SMIM32: variants seen among roughly 807,000 people sequenced by gnomAD.
SMIM32 encodes small integral membrane protein 32.
In SMIM32, 1 loss-of-function variant was observed where a neutral mutation model predicts 1.6. The ratio of observed to expected loss-of-function variants is 0.64; its 90% CI spans 0.23 to 3.02. The LOEUF (loss-of-function observed/expected upper bound fraction) is 3.02, where lower values mean the gene tolerates loss of function less well. Among genes scored for constraint, SMIM32 ranks in the 30% most tolerant of loss-of-function variants. SMIM32 has a pLI of 0.21. For missense variants in SMIM32, 99 were observed against 60.5 expected (o/e 1.64, Z -2.11); for synonymous variants, 53 against 31.3 (o/e 1.69, Z -2.31).
Position 136,192,212 on chromosome 5 carries a change from G to A in SMIM32, c.*1C>T. 1 of 693,278 alleles carries A rather than the reference G, an allele frequency of 1.4e-6. No homozygotes were observed. The highest frequency in any genetic ancestry group is 2.6e-6 in the Non-Finnish European group (1 of 380,860). The allele number at this position is 693,278 out of a possible 1,614,324, so 42.9% of individuals were successfully genotyped here. A position where few individuals can be genotyped will look rare whatever the true frequency, so the allele number is the denominator to read the frequency against. On this transcript the variant is annotated 3_prime_UTR_variant, in exon 1 of 1. Transcript: ENST00000607574. ...CCCGGCGGCCGTGGCTCAGTCCCAAGCTACACCGGCCGCGTCTTCCAGGGC... is the reference window on the plus strand; with the variant it reads ...CCCGGCGGCCGTGGCTCAGTCCCAAACTACACCGGCCGCGTCTTCCAGGGC...
rs1042348625 is a variant in SMIM32 at position 136,192,691 on chromosome 5, G to C, written c.-167C>G. On this transcript the variant is annotated 5_prime_UTR_variant, in exon 1 of 1. Transcript: ENST00000607574. ...ACTGCAAAGACCCCGGGACGCGTCC[G>C]CTCACTCGCCTCCGCGCTCAGCTGC... 51 of 559,818 alleles carry C rather than the reference G, an allele frequency of 9.1e-5. No homozygotes were observed. Among genetic ancestry groups the C allele is most frequent in the Non-Finnish European group, 1.5e-4 (47 of 319,538 alleles). The allele number at this position is 559,818 out of a possible 1,614,324, so 34.7% of individuals were successfully genotyped here. A position where few individuals can be genotyped will look rare whatever the true frequency, so the allele number is the denominator to read the frequency against.
In SMIM32 at chr5:136,192,503, C is replaced by A. The variant is rs1480889288; in HGVS notation, c.22G>T (p.Ala8Ser). 5 of 692,062 alleles carry A rather than the reference C, an allele frequency of 7.2e-6. No individual in the cohort carries two copies. The highest frequency in any genetic ancestry group is 6.1e-5 in the Admixed American group (3 of 49,186). 42.9% of individuals were successfully genotyped at this position (692,062 alleles called of 1,614,324 possible). A position where few individuals can be genotyped will look rare whatever the true frequency, so the allele number is the denominator to read the frequency against. ...ACCGCCGCCTCGGGGCCGCCCGTGG[C>A]GTTGAATATGTCGCCGTACATGGCC... MYGDIFN[A>S]TGGPEAAVGS... Residue 8 changes from alanine to serine, a missense_variant, in exon 1 of 1, where the codon GCC becomes TCC. Ala to Ser is a moderately conservative substitution (Grantham distance 99). Transcript: ENST00000607574.
Position 136,191,878 on chromosome 5 carries a change from G to C in SMIM32, c.*335C>G, listed in dbSNP as rs13172407. The C allele has an allele frequency of 0.17, 46,437 of 276,264 alleles. 4,131 individuals are homozygous for C. The highest frequency in any genetic ancestry group is 0.19 in the Non-Finnish European group (27,873 of 149,224). The allele number at this position is 276,264 out of a possible 1,614,324, so 17.1% of individuals were successfully genotyped here. The stretch of plus-strand genomic sequence containing the variant: ...GGCGGCGAGCAAGCAAGACGGGCTG[G>C]CGCGCCGTCTTTCAGGAAGGTTTCC... On this transcript the variant is annotated 3_prime_UTR_variant, in exon 1 of 1. Transcript: ENST00000607574.
In SMIM32 at chr5:136,192,098, A is replaced by C; in HGVS notation, c.*115T>G. 2 of 599,106 alleles carry C rather than the reference A, an allele frequency of 3.3e-6. No individual in the cohort carries two copies. The highest frequency in any genetic ancestry group is 5.9e-6 in the Non-Finnish European group (2 of 338,338). 37.1% of individuals were successfully genotyped at this position (599,106 alleles called of 1,614,324 possible). ...TCAGGAAGGGTCTTTGGGTCAGGGC[A>C]CCGTGTTCCCAGGGGCCAGCGATCC... On this transcript the variant is annotated 3_prime_UTR_variant, in exon 1 of 1. Coordinates refer to ENST00000607574, the MANE Select transcript of SMIM32 (RefSeq NM_001350994.2).
chr5:136,192,846 A>C lies in SMIM32; in HGVS notation c.-322T>G. 3.0e-6 allele frequency: 1 copy of C among 334,596 alleles called. No individual in the cohort carries two copies. The highest frequency in any genetic ancestry group is 5.4e-6 in the Non-Finnish European group (1 of 185,660). The allele number at this position is 334,596 out of a possible 1,614,324, so 20.7% of individuals were successfully genotyped here. A position where few individuals can be genotyped will look rare whatever the true frequency, so the allele number is the denominator to read the frequency against. On this transcript the variant is annotated 5_prime_UTR_variant, in exon 1 of 1. Coordinates refer to ENST00000607574, the MANE Select transcript of SMIM32 (RefSeq NM_001350994.2). ...AGTCACTGACTCGCCTTTCGGCTTT[A>C]CAACAGCCCGCTCAGCTCGGACCCT...
Position 136,192,034 on chromosome 5 carries a change from C to A in SMIM32, c.*179G>T, listed in dbSNP as rs1011252186. Reference sequence around the variant, plus strand: ...ATCGAGACCCTACACAGGCTCCCGACGCCTCGGTCTCCCTTTCCTCTCGGG... The same window carrying A: ...ATCGAGACCCTACACAGGCTCCCGAAGCCTCGGTCTCCCTTTCCTCTCGGG... On this transcript the variant is annotated 3_prime_UTR_variant, in exon 1 of 1. Transcript: ENST00000607574. 3.5e-6 allele frequency: 2 copies of A among 565,262 alleles called. No individual in the cohort carries two copies. The highest frequency in any genetic ancestry group is 4.0e-5 in the African/African-American group (2 of 50,522). The allele number at this position is 565,262 out of a possible 1,614,324, so 35.0% of individuals were successfully genotyped here. A position where few individuals can be genotyped will look rare whatever the true frequency, so the allele number is the denominator to read the frequency against.
rs1754821219 is a variant in SMIM32, at chr5:136,191,747, G to T, written c.*466C>A. Reference sequence around the variant, plus strand: ...TCAAGGAGCAAGAGAGGCCGTAGCAGCTGTGGGAAACAGCCACAGGGCCTG... The same window carrying T: ...TCAAGGAGCAAGAGAGGCCGTAGCATCTGTGGGAAACAGCCACAGGGCCTG... On this transcript the variant is annotated 3_prime_UTR_variant, in exon 1 of 1. Transcript: ENST00000607574. 1 of 156,568 alleles carries T rather than the reference G, an allele frequency of 6.4e-6. No homozygotes were observed. The allele number at this position is 156,568 out of a possible 1,614,324, so 9.7% of individuals were successfully genotyped here.
In SMIM32 at chr5:136,191,774, G is replaced by A. The variant is rs1754821623; in HGVS notation, c.*439C>T. 1.2e-5 allele frequency: 2 copies of A among 160,952 alleles called. No individual in the cohort carries two copies. Among genetic ancestry groups the A allele is most frequent in the Admixed American group, 1.3e-4 (2 of 15,592 alleles). 10.0% of individuals were successfully genotyped at this position (160,952 alleles called of 1,614,324 possible). A position where few individuals can be genotyped will look rare whatever the true frequency, so the allele number is the denominator to read the frequency against. On this transcript the variant is annotated 3_prime_UTR_variant, in exon 1 of 1. Transcript: ENST00000607574. Reference sequence around the variant, plus strand: ...TGTGGGAAACAGCCACAGGGCCTGCGAGTCCAGACGGGTAGCTCCAGGCTA... The same window carrying A: ...TGTGGGAAACAGCCACAGGGCCTGCAAGTCCAGACGGGTAGCTCCAGGCTA...
At position 136,192,631 on chromosome 5, in the gene SMIM32, A is replaced by G. The variant is rs537230738; in HGVS notation, c.-107T>C. 28 of 580,740 alleles carry G rather than the reference A, an allele frequency of 4.8e-5. No homozygotes were observed. The South Asian group carries it at 5.6e-4, about 12-fold the overall frequency. The allele number at this position is 580,740 out of a possible 1,614,324, so 36.0% of individuals were successfully genotyped here. A position where few individuals can be genotyped will look rare whatever the true frequency, so the allele number is the denominator to read the frequency against. On this transcript the variant is annotated 5_prime_UTR_variant, in exon 1 of 1. Coordinates refer to ENST00000607574, the MANE Select transcript of SMIM32 (RefSeq NM_001350994.2). ...CGCCCCTCCCGCCCTGCCGCGCCCA[A>G]CTGACCGAGAGTCGGTGCCTTGGGG...
In SMIM32 at chr5:136,192,778, C is replaced by T; in HGVS notation, c.-254G>A. 6.2e-6 allele frequency: 3 copies of T among 483,186 alleles called. No homozygotes were observed. The highest frequency in any genetic ancestry group is 1.1e-5 in the Non-Finnish European group (3 of 277,030). The allele number at this position is 483,186 out of a possible 1,614,324, so 29.9% of individuals were successfully genotyped here. On this transcript the variant is annotated 5_prime_UTR_variant, in exon 1 of 1. Coordinates refer to ENST00000607574, the MANE Select transcript of SMIM32 (RefSeq NM_001350994.2). The stretch of plus-strand genomic sequence containing the variant: ...TGGACAGTTCTGTGCCCGCGCCCCT[C>T]GGGCTCACTGTTTCTCTCCGTCGCC...
At position 136,191,971 on chromosome 5, in the gene SMIM32, G is replaced by A. The variant is rs910400164; in HGVS notation, c.*242C>T. 6 of 451,336 alleles carry A rather than the reference G, an allele frequency of 1.3e-5. No homozygotes were observed. Among genetic ancestry groups the A allele is most frequent in the African/African-American group, 8.2e-5 (4 of 48,616 alleles). The allele number at this position is 451,336 out of a possible 1,614,324, so 28.0% of individuals were successfully genotyped here. ...CTCTGTCCAGAGGAAGAAAGATTTG[G>A]CCAGGGGATCAGAATCACGGTACCT... On this transcript the variant is annotated 3_prime_UTR_variant, in exon 1 of 1. Transcript: ENST00000607574.
rs950666956 is a variant in SMIM32 at position 136,192,648 on chromosome 5, G to A, written c.-124C>T. The A allele has an allele frequency of 2.9e-5, 17 of 576,520 alleles. No homozygotes were observed. The highest frequency in any genetic ancestry group is 2.8e-4 in the African/African-American group (14 of 50,526). The allele number at this position is 576,520 out of a possible 1,614,324, so 35.7% of individuals were successfully genotyped here. On this transcript the variant is annotated 5_prime_UTR_variant, in exon 1 of 1. Transcript: ENST00000607574. ...CGCGCCCAACTGACCGAGAGTCGGTGCCTTGGGGCCGGCGGGGACTGCAAA... is the reference window on the plus strand; with the variant it reads ...CGCGCCCAACTGACCGAGAGTCGGTACCTTGGGGCCGGCGGGGACTGCAAA...
In SMIM32 at chr5:136,192,603, G is replaced by C. The variant is rs1461237806; in HGVS notation, c.-79C>G. 3.4e-6 allele frequency: 2 copies of C among 583,882 alleles called. No homozygotes were observed. The highest frequency in any genetic ancestry group is 6.0e-6 in the Non-Finnish European group (2 of 331,108). 36.2% of individuals were successfully genotyped at this position (583,882 alleles called of 1,614,324 possible). On this transcript the variant is annotated 5_prime_UTR_variant, in exon 1 of 1. Coordinates refer to ENST00000607574, the MANE Select transcript of SMIM32 (RefSeq NM_001350994.2). Reference sequence around the variant, plus strand: ...ACTGGCGCGACCCGGCGCCTCCATGGCGCGCCCCTCCCGCCCTGCCGCGCC... The same window carrying C: ...ACTGGCGCGACCCGGCGCCTCCATGCCGCGCCCCTCCCGCCCTGCCGCGCC...
At position 136,192,536 on chromosome 5, in the gene SMIM32, C is replaced by T; in HGVS notation, c.-12G>A. 4.5e-6 allele frequency: 3 copies of T among 668,846 alleles called. No homozygotes were observed. The highest frequency in any genetic ancestry group is 8.2e-6 in the Non-Finnish European group (3 of 367,684). The allele number at this position is 668,846 out of a possible 1,614,324, so 41.4% of individuals were successfully genotyped here. On this transcript the variant is annotated 5_prime_UTR_variant, in exon 1 of 1. Transcript: ENST00000607574. Reference sequence around the variant, plus strand: ...ATGTCGCCGTACATGGCCCGCGGGTCCCGCCGACCCCAGCCGGACCGCTTC... The same window carrying T: ...ATGTCGCCGTACATGGCCCGCGGGTTCCGCCGACCCCAGCCGGACCGCTTC...
Position 136,192,658 on chromosome 5 carries a change from C to G in SMIM32, c.-134G>C. On this transcript the variant is annotated 5_prime_UTR_variant, in exon 1 of 1. Coordinates refer to ENST00000607574, the MANE Select transcript of SMIM32 (RefSeq NM_001350994.2). ...TGACCGAGAGTCGGTGCCTTGGGGC[C>G]GGCGGGGACTGCAAAGACCCCGGGA... 5.2e-6 allele frequency: 3 copies of G among 575,620 alleles called. No individual in the cohort carries two copies. Among genetic ancestry groups the G allele is most frequent in the East Asian group, 6.1e-5 (2 of 32,992 alleles). 35.7% of individuals were successfully genotyped at this position (575,620 alleles called of 1,614,324 possible).
chr5:136,191,546 T>C lies in SMIM32; in HGVS notation c.*667A>G, dbSNP rs952886463. ...ACGCGTAGGTGGGCCCCTGCGCCTT[T>C]CCACCGGCCTCCCACTGCCCGTGCT... is the stretch of plus-strand genomic sequence containing the variant. On this transcript the variant is annotated 3_prime_UTR_variant, in exon 1 of 1. Transcript: ENST00000607574. 1.3e-5 allele frequency: 2 copies of C among 152,166 alleles called. No homozygotes were observed. 9.4% of individuals were successfully genotyped at this position (152,166 alleles called of 1,614,324 possible).
Position 136,192,609 on chromosome 5 carries a change from C to T in SMIM32, c.-85G>A. ...GCGACCCGGCGCCTCCATGGCGCGC[C>T]CCTCCCGCCCTGCCGCGCCCAACTG... On this transcript the variant is annotated 5_prime_UTR_variant, in exon 1 of 1. Transcript: ENST00000607574. The T allele has an allele frequency of 1.7e-6, 1 of 584,388 alleles. No individual in the cohort carries two copies. Among genetic ancestry groups the T allele is most frequent in the South Asian group, 2.1e-5 (1 of 48,700 alleles). The allele number at this position is 584,388 out of a possible 1,614,324, so 36.2% of individuals were successfully genotyped here.
rs564815845 is a variant in SMIM32, at chr5:136,192,616, G to A, written c.-92C>T. ...GGCGCCTCCATGGCGCGCCCCTCCC[G>A]CCCTGCCGCGCCCAACTGACCGAGA... On this transcript the variant is annotated 5_prime_UTR_variant, in exon 1 of 1. Transcript: ENST00000607574. 24 of 585,084 alleles carry A rather than the reference G, an allele frequency of 4.1e-5. No individual in the cohort carries two copies. Among genetic ancestry groups the A allele is most frequent in the African/African-American group, 5.9e-5 (3 of 50,958 alleles). 36.2% of individuals were successfully genotyped at this position (585,084 alleles called of 1,614,324 possible). A position where few individuals can be genotyped will look rare whatever the true frequency, so the allele number is the denominator to read the frequency against.
Position 136,192,253 on chromosome 5 carries a change from A to C in SMIM32, c.272T>G (p.Leu91Arg), listed in dbSNP as rs1431630976. The stretch of plus-strand genomic sequence containing the variant: ...CTTCCAGGGCGCGCGGGCGTCGCGC[A>C]GCGAGCGGTCGTGGGGCAGCGCGGC... ...AFAALPHDRSLRDARAPWKTR... is the reference protein window; with the variant it reads ...AFAALPHDRSRRDARAPWKTR... Residue 91 changes from leucine to arginine, a missense_variant, in exon 1 of 1, where the codon CTG becomes CGG. Physicochemically the swap from Leu to Arg is moderately radical, Grantham distance 102. Transcript: ENST00000607574. 3 of 699,036 alleles carry C rather than the reference A, an allele frequency of 4.3e-6. No homozygotes were observed. The allele number at this position is 699,036 out of a possible 1,614,324, so 43.3% of individuals were successfully genotyped here.
Sources: gnomAD v4.1 joint callset for allele counts on GRCh38, gnomAD v4.1.1 for gene constraint, MANE v1.5 for transcripts, NCBI Gene and HGNC (gene_info 2026-07-23, HGNC 2026-07-21) for gene names.